SCHIP1: variants seen among roughly 807,000 people sequenced by gnomAD.
SCHIP1 encodes the protein schwannomin interacting protein 1, also known as schwannomin-interacting protein 1.
A neutral mutation model predicts 29.7 loss-of-function variants in SCHIP1; 8 were observed. The ratio of observed to expected loss-of-function variants is 0.27; its 90% CI spans 0.16 to 0.49. The LOEUF (loss-of-function observed/expected upper bound fraction) is 0.49. Among genes scored for constraint, SCHIP1 ranks in the 20% least tolerant of loss-of-function variants. SCHIP1 has a pLI of 0.99. For synonymous variants in SCHIP1, 76 were observed against 94.9 expected (o/e 0.80, Z 1.16); for missense variants, 193 against 294.6 (o/e 0.66, Z 2.52).
chr3:159,705,998 C>A, the SCHIP1 span, among the ~76,000 whole-genome samples: 1 of 152,156 alleles, frequency 6.6e-6, no homozygotes, highest in Admixed American at 6.5e-5. Context: ...AGCCACCGCA[C>A]CAGGCCTTAG....
At chr3:159,364,227 T>C in the SCHIP1 span, among the ~76,000 whole-genome samples, 5 of 152,222 alleles carry the variant, frequency 3.3e-5, no homozygotes, top group Admixed American at 3.3e-4. Context: ...TGGAGTTTGA[T>C]GCAGTCTTCT....
chr3:159,563,527 A>T, the SCHIP1 span, among the ~76,000 whole-genome samples: 8 of 152,030 alleles, frequency 5.3e-5, no homozygotes, highest in Non-Finnish European at 1.2e-4. Context: ...TATTTTTTTA[A>T]ATTAAAAATT....
the SCHIP1 span, among the ~76,000 whole-genome samples, chr3:159,453,643 G>A: frequency 1.3e-5 from 2 of 152,056 alleles, no homozygotes; most frequent in African/African-American, 4.8e-5. Context: ...TAAGATAAAG[G>A]GATGTAAAAG....
At chr3:159,497,154 C>G in the SCHIP1 span, among the ~76,000 whole-genome samples, 1 of 151,752 alleles carries the variant, frequency 6.6e-6, no homozygotes, top group Non-Finnish European at 1.5e-5. Flanking sequence ...TGCTAAATGA[C>G]GAGTTAATGG....
the SCHIP1 span, among the ~76,000 whole-genome samples, chr3:159,644,221 T>TA: frequency 6.6e-6 from 1 of 152,130 alleles, no homozygotes; most frequent in Non-Finnish European, 1.5e-5. Flanking sequence ...AGCTTTAAAC[T>TA]AAATCTCTTA....
At chr3:159,571,598 G>T in the SCHIP1 span, among the ~76,000 whole-genome samples, 1 of 151,982 alleles carries the variant, frequency 6.6e-6, no homozygotes, top group Non-Finnish European at 1.5e-5. Flanking sequence ...CTTTTTTGTT[G>T]TGTCTCTGCC....
the SCHIP1 span, among the ~76,000 whole-genome samples, chr3:159,450,639 A>G: frequency 6.6e-6 from 1 of 152,140 alleles, no homozygotes; most frequent in Non-Finnish European, 1.5e-5. Flanking sequence ...TCAGAGCAGG[A>G]GCGTGGCACT....
At chr3:159,752,850 T>C in the SCHIP1 span, among the ~76,000 whole-genome samples, 1 of 152,232 alleles carries the variant, frequency 6.6e-6, no homozygotes, top group African/African-American at 2.4e-5. Context: ...CTTAATGTTA[T>C]AATTTTCAAA....
chr3:159,307,027 A>G, the SCHIP1 span, among the ~76,000 whole-genome samples: 1 of 152,226 alleles, frequency 6.6e-6, no homozygotes, highest in Non-Finnish European at 1.5e-5. Flanking sequence ...TGCAAAGAGA[A>G]AAAATGTTCA....
chr3:159,725,795 T>A, the SCHIP1 span, among the ~76,000 whole-genome samples: 679 of 152,284 alleles, frequency 4.5e-3, 5 homozygotes, highest in African/African-American at 0.016. Context: ...CAAATTGTAA[T>A]TTCACTTTAT....
the SCHIP1 span, among the ~76,000 whole-genome samples, chr3:159,571,039 G>A: frequency 6.6e-6 from 1 of 152,038 alleles, no homozygotes; most frequent in Non-Finnish European, 1.5e-5. Context: ...GGAGATTTTG[G>A]GCTGAGACGA....
the SCHIP1 span, among the ~76,000 whole-genome samples, chr3:159,742,939 G>A: frequency 2.7e-5 from 4 of 148,588 alleles, no homozygotes; most frequent in Non-Finnish European, 5.9e-5. Context: ...CACACACCTC[G>A]GCCTCCCAAA....
the SCHIP1 span, among the ~76,000 whole-genome samples, chr3:159,445,860 A>C: frequency 1.8e-5 from 2 of 111,618 alleles, no homozygotes; most frequent in Non-Finnish European, 3.4e-5. Flanking sequence ...GGAACATCAC[A>C]CTCTGGGGAC....
At chr3:159,735,519 C>T in the SCHIP1 span, among the ~76,000 whole-genome samples, 12 of 152,152 alleles carry the variant, frequency 7.9e-5, no homozygotes, top group African/African-American at 2.4e-4. Context: ...CGTGAGCCAC[C>T]ACACCTGGCC....
chr3:159,744,991 A>AAG, the SCHIP1 span, among the ~76,000 whole-genome samples: 2 of 151,906 alleles, frequency 1.3e-5, no homozygotes, highest in Non-Finnish European at 2.9e-5. Context: ...CAAAAAAAAA[A>AAG]AAGAAGAAGA....
At chr3:159,527,738 T>A in the SCHIP1 span, among the ~76,000 whole-genome samples, 1 of 150,484 alleles carries the variant, frequency 6.6e-6, no homozygotes, top group South Asian at 2.1e-4. Flanking sequence ...TTGGAGTAGT[T>A]TTTTTGTTTG....
At chr3:159,478,490 A>G in the SCHIP1 span, among the ~76,000 whole-genome samples, 1 of 152,070 alleles carries the variant, frequency 6.6e-6, no homozygotes, top group Non-Finnish European at 1.5e-5. Context: ...ATTGCTCTAT[A>G]ATATGTTTTA....
chr3:159,341,974 C>T, the SCHIP1 span, among the ~76,000 whole-genome samples: 1 of 152,154 alleles, frequency 6.6e-6, no homozygotes, highest in Non-Finnish European at 1.5e-5. Flanking sequence ...TAGATGTCAA[C>T]TTAAAAATAT....
At chr3:159,384,511 C>G in the SCHIP1 span, among the ~76,000 whole-genome samples, 1 of 141,694 alleles carries the variant, frequency 7.1e-6, no homozygotes, top group East Asian at 2.1e-4. Flanking sequence ...TTCGGTTTGC[C>G]AGTATTTTAT....
Sources: gnomAD v4.1 joint callset for allele counts (sites outside exome capture counted in the v4.1 genomes callset) on GRCh38, gnomAD v4.1.1 for gene constraint, MANE v1.5 for transcripts, NCBI Gene and HGNC (gene_info 2026-07-23, HGNC 2026-07-21) for gene names.